Variants in TET2 observed in about 807,000 individuals in gnomAD.
TET2 encodes the protein methylcytosine dioxygenase TET2.
TET2 carries 299 observed loss-of-function variants against 142.9 expected under a neutral mutation model. The observed-to-expected ratio is 2.09, with a 90% CI of 1.90 to 2.30. The LOEUF (loss-of-function observed/expected upper bound fraction) is 2.30, where lower values mean the gene tolerates loss of function less well. Ranked by LOEUF, TET2 falls within the 30% of genes most tolerant of loss-of-function variation. The pLI, the probability that TET2 is intolerant of heterozygous loss-of-function variation, is 0.00. For missense variants in TET2, 2,418 were observed against 2,378.0 expected, an observed-to-expected ratio of 1.02 and a Z score of -0.35; for synonymous variants, 819 against 849.0, an observed-to-expected ratio of 0.96 and a Z score of 0.61.
chr4:105,177,224 C>T (rs572085639), intron 1 of TET2, among the ~76,000 whole-genome samples: 4 of 152,260 alleles, frequency 2.6e-5, no homozygotes, highest in Non-Finnish European at 5.9e-5. Context: ...ATGGCAGTGG[C>T]ATTTTTTAGA....
At chr4:105,242,179 A>T in intron 4 of TET2, 1 of 1,118,886 alleles carries the variant, frequency 8.9e-7, no homozygotes, top group Non-Finnish European at 1.1e-6. Context: ...CTCCATTTCC[A>T]AATTATTCAT....
intron 1 of TET2, among the ~76,000 whole-genome samples, chr4:105,181,510 CA>C (rs912563120): frequency 1.4e-4 from 21 of 152,182 alleles, no homozygotes; most frequent in Non-Finnish European, 2.2e-4. Flanking sequence ...CAATCAACAA[CA>C]AATTCCTTCT....
chr4:105,217,834 A>G (rs976857757), intron 2 of TET2, among the ~76,000 whole-genome samples: 1 of 152,020 alleles, frequency 6.6e-6, no homozygotes, highest in African/African-American at 2.4e-5. Flanking sequence ...GTACCTACAC[A>G]TTAGGACACA....
At chr4:105,217,503 T>C (rs1727565795) in intron 2 of TET2, among the ~76,000 whole-genome samples, 1 of 152,060 alleles carries the variant, frequency 6.6e-6, no homozygotes, top group African/African-American at 2.4e-5. Context: ...TTTTCCAAAG[T>C]ATGCTATTCC....
chr4:105,185,556 G>A (rs1303571935), intron 1 of TET2, among the ~76,000 whole-genome samples: 1 of 152,090 alleles, frequency 6.6e-6, no homozygotes, highest in Non-Finnish European at 1.5e-5. Flanking sequence ...CGAGGTATGC[G>A]GATCACGAGG....
chr4:105,250,380 A>ATTTTTTTTT lies in TET2; in HGVS notation c.3803+6625_3803+6633dup, dbSNP rs59695275. ...ATCAGCTTCTCCGTTTCCTTTCTGGATTTTTTTTTTTTTTTTTTTTTTTTT... is the reference window on the plus strand; with the variant it reads ...ATCAGCTTCTCCGTTTCCTTTCTGGATTTTTTTTTTTTTTTTTTTTTTTTTTTTTTTTTT... On this transcript the variant is annotated intron_variant, in intron 6 of 10. Coordinates refer to ENST00000380013, the MANE Select transcript of TET2 (RefSeq NM_001127208.3). Among the ~76,000 whole-genome samples, 54 of 60,316 alleles carry ATTTTTTTTT rather than the reference A, an allele frequency of 9.0e-4. 9 individuals carry two copies. Among genetic ancestry groups the ATTTTTTTTT allele is most frequent in the Non-Finnish European group, 1.1e-3 (41 of 35,776 alleles). The allele number at this position is 60,316 out of a possible 152,430, so 39.6% of individuals were successfully genotyped here. A position where few individuals can be genotyped will look rare whatever the true frequency, so the allele number is the denominator to read the frequency against.
intron 6 of TET2, 50 bp from the exon 7 acceptor site, chr4:105,259,569 G>A (rs781664848): frequency 2.0e-5 from 31 of 1,526,080 alleles, no homozygotes; most frequent in Non-Finnish European, 2.5e-5. Context: ...CAGCTGCACA[G>A]CCTATATAAT....
chr4:105,192,411 T>C (rs112647425), intron 2 of TET2, among the ~76,000 whole-genome samples: 2,099 of 152,248 alleles, frequency 0.014, 31 homozygotes, highest in Middle Eastern at 0.058. Context: ...TAGGAATGTG[T>C]TCTTGGGAAA....
At chr4:105,267,382 TAAC>T (rs1730731698) in intron 8 of TET2, among the ~76,000 whole-genome samples, 1 of 151,928 alleles carries the variant, frequency 6.6e-6, no homozygotes, top group South Asian at 2.1e-4. Flanking sequence ...AAAAATATAT[TAAC>T]AATGTATTAT....
rs375732683 is a variant in TET2 at position 105,236,924 on chromosome 4, C to T, written c.2982C>T (p.His994=). Residue 994 remains histidine (H), a synonymous_variant, in exon 3 of 11, where the codon CAC becomes CAT. Coordinates refer to ENST00000380013, the MANE Select transcript of TET2 (RefSeq NM_001127208.3). ...GATGCAAGCCACATGCCTGTATGCACACAGCACCACCAGAAAACAAAACAT... is the reference window on the plus strand; with the variant it reads ...GATGCAAGCCACATGCCTGTATGCATACAGCACCACCAGAAAACAAAACAT... ...EPGCKPHACM[H]TAPPENKTWK... 1.2e-5 allele frequency: 20 copies of T among 1,613,958 alleles called. No homozygotes were observed. Among genetic ancestry groups the T allele is most frequent in the Non-Finnish European group, 1.5e-5 (18 of 1,180,022 alleles).
chr4:105,201,732 CTTTTTTTTTTTT>C (rs70964636), intron 2 of TET2, among the ~76,000 whole-genome samples: 3 of 63,052 alleles, frequency 4.8e-5, no homozygotes, highest in South Asian at 8.3e-4. Flanking sequence ...CATCCAGGAC[CTTTTTTTTTTTT>C]TTTTTTTTTT....
rs1163049631 is a variant in TET2, at chr4:105,259,636, AG to A, written c.3825del (p.Leu1276TrpfsTer87). 4 of 1,550,858 alleles carry A rather than the reference AG, an allele frequency of 2.6e-6. No homozygotes were observed. The highest frequency in any genetic ancestry group is 3.5e-6 in the Non-Finnish European group (4 of 1,146,444). On this transcript the variant is annotated frameshift_variant, in exon 7 of 11. Transcript: ENST00000380013. LOFTEE classifies it high-confidence loss of function. ...TTTTTCAGGAGAACTTGCGCCTGTC[AG>A]GGGCTGGATCCAGAAACCTGTGGTG... ...ALNEERTCAC[Q>X]GLDPETCGAS...
At chr4:105,238,763 AT>A (rs1446779880) in intron 3 of TET2, 1 of 239,784 alleles carries the variant, frequency 4.2e-6, no homozygotes, top group Non-Finnish European at 8.9e-6. Context: ...TAATGTTGAT[AT>A]ATTGACCCCC....
rs1730857931 is a variant in TET2, at chr4:105,269,696, C to T, written c.4131C>T (p.Phe1377=). ...CAGGGGTCACTGCATGTTTGGACTT[C>T]TGTGCTCATGCCCACAGAGACTTGC... The part of the protein sequence containing the change: ...PFSGVTACLD[F]CAHAHRDLHN... Residue 1377 remains phenylalanine (F), a synonymous_variant, in exon 9 of 11, where the codon TTC becomes TTT. Transcript: ENST00000380013. 1.9e-6 allele frequency: 3 copies of T among 1,551,570 alleles called. No homozygotes were observed. The highest frequency in any genetic ancestry group is 2.4e-5 in the South Asian group (2 of 84,068).
intron 6 of TET2, among the ~76,000 whole-genome samples, chr4:105,249,254 G>C (rs879896973): frequency 1.3e-5 from 2 of 151,958 alleles, no homozygotes; most frequent in Non-Finnish European, 2.9e-5. Flanking sequence ...CTCAAACTCA[G>C]CCTCAAGTGA....
At chr4:105,223,729 A>G (rs1476785161) in intron 2 of TET2, among the ~76,000 whole-genome samples, 2 of 152,156 alleles carry the variant, frequency 1.3e-5, no homozygotes, top group East Asian at 1.9e-4. Flanking sequence ...AGGTGTGGCC[A>G]TATACATCAT....
At chr4:105,244,933 A>G (rs1310866022) in intron 6 of TET2, among the ~76,000 whole-genome samples, 3 of 152,222 alleles carry the variant, frequency 2.0e-5, no homozygotes, top group Non-Finnish European at 4.4e-5. Flanking sequence ...TTTTAAAATA[A>G]TTTTAATTTT....
chr4:105,240,852 A>T, intron 3 of TET2: 2 of 1,079,596 alleles, frequency 1.9e-6, no homozygotes, highest in Non-Finnish European at 2.3e-6. Flanking sequence ...ATTAAATGTT[A>T]TAGGGAAGTA....
chr4:105,221,347 G>A (rs1368569011), intron 2 of TET2, among the ~76,000 whole-genome samples: 2 of 152,092 alleles, frequency 1.3e-5, no homozygotes, highest in Non-Finnish European at 2.9e-5. Flanking sequence ...ATACTAAACT[G>A]GCAGGTGTCT....
Sources: allele counts gnomAD v4.1 joint callset (sites outside exome capture counted in the v4.1 genomes callset), GRCh38; gene constraint gnomAD v4.1.1; transcripts MANE v1.5; gene names NCBI Gene and HGNC (gene_info 2026-07-23, HGNC 2026-07-21).